Variants in PPP1R9A observed in about 807,000 individuals in gnomAD.
PPP1R9A encodes neurabin-1.
In PPP1R9A, 59 loss-of-function variants were observed where a neutral mutation model predicts 141.9. That is an observed-to-expected ratio of 0.42 (90% CI 0.34 to 0.52). PPP1R9A has a LOEUF of 0.52. PPP1R9A is among the 20% of genes least tolerant of loss of function. The pLI is 0.10. For missense variants in PPP1R9A, 1,444 were observed against 1,611.9 expected, an observed-to-expected ratio of 0.90 and a Z score of 1.78; for synonymous variants, 500 against 569.7, an observed-to-expected ratio of 0.88 and a Z score of 1.74.
At chr7:94,947,797 G>GA (rs1796053935) in intron 2 of PPP1R9A, among the ~76,000 whole-genome samples, 1 of 152,126 alleles carries the variant, frequency 6.6e-6, no homozygotes. Context: ...AAACAAACTA[G>GA]AAGGTGAAAC....
intron 2 of PPP1R9A, among the ~76,000 whole-genome samples, chr7:94,959,124 A>G (rs1280560681): frequency 4.6e-5 from 7 of 151,910 alleles, no homozygotes; most frequent in African/African-American, 7.2e-5. Context: ...CATTTTGCCT[A>G]TGGAAAGAAT....
At chr7:95,117,005 C>G (rs1012994521) in intron 3 of PPP1R9A, among the ~76,000 whole-genome samples, 1 of 152,018 alleles carries the variant, frequency 6.6e-6, no homozygotes, top group Non-Finnish European at 1.5e-5. Flanking sequence ...AAATAAATAA[C>G]TCTACATGGG....
chr7:95,188,273 T>G (rs1834939401), intron 5 of PPP1R9A, among the ~76,000 whole-genome samples: 1 of 152,192 alleles, frequency 6.6e-6, no homozygotes, highest in Admixed American at 6.5e-5. Flanking sequence ...TGCTTTAAAG[T>G]CTGTTTTGTC....
At position 95,267,948 on chromosome 7, in the gene PPP1R9A, G is replaced by A. The variant is rs116134564; in HGVS notation, c.2666-602G>A. 9.2e-3 allele frequency among the ~76,000 whole-genome samples: 1,402 copies of A among 152,078 alleles called. 20 individuals are homozygous for A. The highest frequency in any genetic ancestry group is 0.032 in the African/African-American group (1,347 of 41,490). ...ACCTTGTTTCTTTTCCCCAGCTATC[G>A]TCAATTTGCTGATTAGGTAAATTCC... On this transcript the variant is annotated intron_variant, in intron 12 of 19. Transcript: ENST00000433360.
At chr7:95,118,576 A>T (rs1821930889) in intron 3 of PPP1R9A, among the ~76,000 whole-genome samples, 1 of 152,174 alleles carries the variant, frequency 6.6e-6, no homozygotes, top group Non-Finnish European at 1.5e-5. Context: ...ACATATGTAG[A>T]ATAAAGATAT....
intron 12 of PPP1R9A, among the ~76,000 whole-genome samples, chr7:95,253,021 C>A (rs1799105967): frequency 6.6e-6 from 1 of 152,186 alleles, no homozygotes; most frequent in African/African-American, 2.4e-5. Context: ...TACTTATGTT[C>A]TTACACACAC....
At chr7:95,066,841 A>G (rs75664780) in intron 2 of PPP1R9A, among the ~76,000 whole-genome samples, 2,049 of 152,286 alleles carry the variant, frequency 0.013, 47 homozygotes, top group African/African-American at 0.048. Flanking sequence ...GAATATTGAG[A>G]TAGAAAGCCT....
chr7:95,244,068 T>C (rs1188445131), intron 8 of PPP1R9A, among the ~76,000 whole-genome samples: 2 of 152,212 alleles, frequency 1.3e-5, no homozygotes. Flanking sequence ...TCGCATATTT[T>C]TAATTTTAGG....
intron 3 of PPP1R9A, among the ~76,000 whole-genome samples, chr7:95,112,934 G>A (rs1323017625): frequency 6.6e-6 from 1 of 152,056 alleles, no homozygotes; most frequent in African/African-American, 2.4e-5. Flanking sequence ...GTTTACGAGG[G>A]TGGGAGGGGG....
At chr7:95,202,995 A>C (rs1456175813) in intron 6 of PPP1R9A, among the ~76,000 whole-genome samples, 2 of 152,082 alleles carry the variant, frequency 1.3e-5, no homozygotes, top group Non-Finnish European at 2.9e-5. Flanking sequence ...TTAGCTATAG[A>C]TAGCATTTCA....
intron 15 of PPP1R9A, 32 bp from the exon 16 acceptor site, chr7:95,274,053 T>C (rs1802700246): frequency 4.0e-6 from 6 of 1,511,384 alleles, no homozygotes; most frequent in Non-Finnish European, 4.5e-6. Context: ...AAATTTCAGC[T>C]TCCCCTTTCT....
chr7:95,253,978 G>A (rs1322440818), intron 12 of PPP1R9A, among the ~76,000 whole-genome samples: 2 of 151,732 alleles, frequency 1.3e-5, no homozygotes, highest in African/African-American at 4.8e-5. Flanking sequence ...ATAATTAATG[G>A]TGTTTATTAA....
intron 7 of PPP1R9A, among the ~76,000 whole-genome samples, chr7:95,211,227 C>G (rs1257562216): frequency 6.6e-6 from 1 of 151,966 alleles, no homozygotes; most frequent in Non-Finnish European, 1.5e-5. Flanking sequence ...GCCTGATACT[C>G]TCAGTTTGAG....
intron 1 of PPP1R9A, 191 bp downstream of exon 1, chr7:94,907,893 T>C (rs1790935431): frequency 1.4e-5 from 2 of 147,438 alleles, no homozygotes; most frequent in Non-Finnish European, 3.0e-5. Flanking sequence ...CGCAATGGCG[T>C]TGGGGAGCGC....
chr7:95,101,147 C>T (rs1439355433), intron 2 of PPP1R9A, among the ~76,000 whole-genome samples: 4 of 152,220 alleles, frequency 2.6e-5, no homozygotes, highest in East Asian at 1.9e-4. Flanking sequence ...CCACCGCGCC[C>T]GGCCTCTTTG....
chr7:95,120,286 CAAGTA>C (rs375842392), intron 3 of PPP1R9A, among the ~76,000 whole-genome samples: 2,168 of 152,028 alleles, frequency 0.014, 42 homozygotes, highest in African/African-American at 0.05. Flanking sequence ...CATGAATAAA[CAAGTA>C]AAGAAGAAAA....
intron 2 of PPP1R9A, among the ~76,000 whole-genome samples, chr7:94,956,956 A>G (rs752690862): frequency 6.6e-6 from 1 of 152,186 alleles, no homozygotes; most frequent in Non-Finnish European, 1.5e-5. Context: ...ATATCCAGAT[A>G]TAAATGTACG....
intron 2 of PPP1R9A, among the ~76,000 whole-genome samples, chr7:94,992,362 A>G (rs538501980): frequency 2.6e-5 from 4 of 152,230 alleles, no homozygotes; most frequent in Admixed American, 6.5e-5. Context: ...GCTGTGCCAC[A>G]ATTCATTTGT....
At chr7:95,274,921 A>G (rs1454694499) in intron 16 of PPP1R9A, among the ~76,000 whole-genome samples, 1 of 152,144 alleles carries the variant, frequency 6.6e-6, no homozygotes, top group African/African-American at 2.4e-5. Flanking sequence ...TAATAACAGT[A>G]CCTTTTACAT....
Sources: allele counts gnomAD v4.1 joint callset (sites outside exome capture counted in the v4.1 genomes callset), GRCh38; gene constraint gnomAD v4.1.1; transcripts MANE v1.5; gene names NCBI Gene and HGNC (gene_info 2026-07-23, HGNC 2026-07-21).